The following C6orf52 variants were observed in gnomAD, a reference collection of about 807,000 sequenced individuals.
The protein encoded by C6orf52 is chromosome 6 open reading frame 52, also known as putative uncharacterized protein C6orf52.
In C6orf52, 16 loss-of-function variants were observed where a neutral mutation model predicts 16.6. The observed-to-expected ratio is 0.96, with a 90% CI of 0.65 to 1.46. The LOEUF (loss-of-function observed/expected upper bound fraction) is 1.46. Ranked by LOEUF, C6orf52 falls within the 40% of genes most tolerant of loss-of-function variation. The pLI is 0.00. For missense variants in C6orf52, 166 were observed against 182.3 expected (o/e 0.91, Z 0.52); for synonymous variants, 53 against 61.4 (o/e 0.86, Z 0.64).
intron 4 of C6orf52, among the ~76,000 whole-genome samples, chr6:10,674,102 T>C (rs1278704084): frequency 6.6e-6 from 1 of 152,148 alleles, no homozygotes; most frequent in Non-Finnish European, 1.5e-5. Context: ...CTCTTCTGGG[T>C]TGCACACTGC....
upstream of C6orf52, chr6:10,694,727 C>A (rs907305114): frequency 2.1e-5 from 8 of 386,128 alleles, no homozygotes; most frequent in African/African-American, 1.7e-4. Flanking sequence ...CCTGCTTGCC[C>A]CCGATTTTTT....
At chr6:10,674,960 C>T (rs928527023) in intron 4 of C6orf52, among the ~76,000 whole-genome samples, 6 of 152,038 alleles carry the variant, frequency 3.9e-5, no homozygotes, top group Admixed American at 2.6e-4. Flanking sequence ...CAGGCGCACA[C>T]CACCACACTC....
intron 4 of C6orf52, among the ~76,000 whole-genome samples, chr6:10,680,430 G>T (rs752939549): frequency 6.6e-6 from 1 of 152,152 alleles, no homozygotes; most frequent in Non-Finnish European, 1.5e-5. Flanking sequence ...CTAGTATTTT[G>T]TTGGGGACCT....
intron 4 of C6orf52, among the ~76,000 whole-genome samples, chr6:10,677,449 C>G (rs1767993155): frequency 6.7e-6 from 1 of 148,340 alleles, no homozygotes; most frequent in African/African-American, 2.5e-5. Context: ...AGTGTGATGC[C>G]TTCACCCTTT....
At chr6:10,679,522 C>G (rs940106387) in intron 4 of C6orf52, among the ~76,000 whole-genome samples, 1 of 146,984 alleles carries the variant, frequency 6.8e-6, no homozygotes, top group African/African-American at 2.6e-5. Flanking sequence ...GAAAATGGCA[C>G]AGATACACTT....
rs1768548361 is a variant in C6orf52, at chr6:10,683,081, A to G, written c.316+106T>C. On this transcript the variant is annotated intron_variant, in intron 4 of 4. Coordinates refer to ENST00000259983, the MANE Select transcript of C6orf52 (RefSeq NM_001145020.3). ...GAAGCATATGGCTTAGGCAACCTACATTGGAATTTTCCAATAGAACCTTCC... is the reference window on the plus strand; with the variant it reads ...GAAGCATATGGCTTAGGCAACCTACGTTGGAATTTTCCAATAGAACCTTCC... 8.3e-6 allele frequency: 6 copies of G among 725,864 alleles called. No individual in the cohort carries two copies. In the Admixed American group the frequency reaches 1.6e-4, roughly 19 times the overall value. 45.0% of individuals were successfully genotyped at this position (725,864 alleles called of 1,614,324 possible). A position where few individuals can be genotyped will look rare whatever the true frequency, so the allele number is the denominator to read the frequency against.
At chr6:10,677,586 C>T (rs1768007717) in intron 4 of C6orf52, among the ~76,000 whole-genome samples, 1 of 150,834 alleles carries the variant, frequency 6.6e-6, no homozygotes, top group Non-Finnish European at 1.5e-5. Flanking sequence ...GGCTGGAGTG[C>T]AGTGGCGCCA....
rs1403679080 is a variant in C6orf52, at chr6:10,687,108, T to C, written c.128A>G (p.Tyr43Cys). ...QEFQPSQSYR[Y>C]GNWYARQHGS... ...GTGCTGTCGCGCATACCAGTTGCCA[T>C]AGCGGTAACTCTGGCTGGGCTGGAA... Residue 43 changes from tyrosine (Y) to cysteine (C), a missense_variant, in exon 3 of 5, where the codon TAT becomes TGT. Coordinates refer to ENST00000259983, the MANE Select transcript of C6orf52 (RefSeq NM_001145020.3). The C allele has an allele frequency of 1.9e-6, 3 of 1,551,780 alleles. No homozygotes were observed. Among genetic ancestry groups the C allele is most frequent in the East Asian group, 2.4e-5 (1 of 40,928 alleles).
intron 4 of C6orf52, among the ~76,000 whole-genome samples, chr6:10,678,788 A>G (rs1768109946): frequency 6.6e-6 from 1 of 152,144 alleles, no homozygotes; most frequent in African/African-American, 2.4e-5. Context: ...TGTTTTTAAA[A>G]AAATTTTTTT....
intron 1 of C6orf52, among the ~76,000 whole-genome samples, chr6:10,688,807 GTTTT>G (rs951505900): frequency 1.3e-5 from 2 of 152,138 alleles, no homozygotes; most frequent in Non-Finnish European, 2.9e-5. Context: ...GAGTTTTGGG[GTTTT>G]TTGTTTTGTT....
intron 1 of C6orf52, among the ~76,000 whole-genome samples, chr6:10,690,194 G>A (rs1170600892): frequency 1.3e-5 from 2 of 152,078 alleles, no homozygotes; most frequent in Non-Finnish European, 2.9e-5. Flanking sequence ...AAGATCCCAG[G>A]GTAAAGATGG....
chr6:10,685,166 ACTTC>A (rs1768754538), intron 3 of C6orf52, among the ~76,000 whole-genome samples: 1 of 151,756 alleles, frequency 6.6e-6, no homozygotes, highest in Admixed American at 6.6e-5. Flanking sequence ...TAATTCCTAT[ACTTC>A]TCTATTTAGA....
chr6:10,686,373 C>T (rs1193601144), intron 3 of C6orf52, among the ~76,000 whole-genome samples: 1 of 152,124 alleles, frequency 6.6e-6, no homozygotes, highest in Non-Finnish European at 1.5e-5. Context: ...CATAGATCCA[C>T]TCCACAGTAC....
rs1175146115 is a variant in C6orf52 at position 10,686,978 on chromosome 6, C to T, written c.258G>A (p.Leu86=). 3 of 1,546,780 alleles carry T rather than the reference C, an allele frequency of 1.9e-6. No individual in the cohort carries two copies. Among genetic ancestry groups the T allele is most frequent in the Non-Finnish European group, 2.6e-6 (3 of 1,144,740 alleles). ...HETPEHTAGT[L]VMPKETTPLA... ...TAGCAAGGGATACCTTAGGCATAAC[C>T]AGAGTTCCAGCTGTGTGTTCAGGGG... The change falls in exon 3 of 5, where the codon CTG becomes CTA. Residue 86 remains leucine (L), a synonymous_variant. Transcript: ENST00000259983.
At position 10,694,598 on chromosome 6, in the gene C6orf52, AAGCAACCGGC is replaced by A; in HGVS notation, c.-126_-117del. The A allele has an allele frequency of 5.8e-6, 1 of 172,166 alleles. No homozygotes were observed. Among genetic ancestry groups the A allele is most frequent in the Admixed American group, 6.1e-5 (1 of 16,352 alleles). The allele number at this position is 172,166 out of a possible 1,614,324, so 10.7% of individuals were successfully genotyped here. A position where few individuals can be genotyped will look rare whatever the true frequency, so the allele number is the denominator to read the frequency against. ...GCACGCTGCCGGCGCTACAGCCCCTAAGCAACCGGCCGGAAGTCGGCCCCACCTCCTCCTG... is the reference window on the plus strand; with the variant it reads ...GCACGCTGCCGGCGCTACAGCCCCTACGGAAGTCGGCCCCACCTCCTCCTG... On this transcript the variant is annotated 5_prime_UTR_variant, in exon 1 of 5. Coordinates refer to ENST00000259983, the MANE Select transcript of C6orf52 (RefSeq NM_001145020.3).
At position 10,671,542 on chromosome 6, in the gene C6orf52, C is replaced by A. The variant is rs540643184; in HGVS notation, c.373G>T (p.Glu125Ter). The change falls in exon 5 of 5, where the codon GAA becomes TAA. Residue 125 changes from glutamate to a stop codon, truncating the protein, a stop_gained. Transcript: ENST00000259983. LOFTEE classifies it low-confidence loss of function (END_TRUNC). ...TTCATGAGGGAGTCGTAGAGTTCTT[C>A]ACTTTTCACCATAAACTCTTGGTTT... ...ESNQEFMVKS[E>*]ELYDSLMNCH... 1.9e-6 allele frequency: 3 copies of A among 1,548,910 alleles called. No individual in the cohort carries two copies. The highest frequency in any genetic ancestry group is 2.6e-6 in the Non-Finnish European group (3 of 1,144,874).
intron 4 of C6orf52, among the ~76,000 whole-genome samples, chr6:10,676,959 T>C (rs942113310): frequency 3.9e-5 from 6 of 152,220 alleles, no homozygotes; most frequent in African/African-American, 1.4e-4. Context: ...TTTCTCCCAC[T>C]CCGTTGTCTG....
chr6:10,686,846 T>C, intron 3 of C6orf52, 120 bp downstream of exon 3: 1 of 720,750 alleles, frequency 1.4e-6, no homozygotes, highest in Non-Finnish European at 2.3e-6. Flanking sequence ...TTAAAACAGG[T>C]AGCAAAAGCC....
At chr6:10,672,452 G>T in intron 4 of C6orf52, 1 of 547,926 alleles carries the variant, frequency 1.8e-6, no homozygotes, top group Non-Finnish European at 3.2e-6. Context: ...TGGGGCCTCT[G>T]GGAGGTTAGA....
Sources: allele counts gnomAD v4.1 joint callset (sites outside exome capture counted in the v4.1 genomes callset), GRCh38; gene constraint gnomAD v4.1.1; transcripts MANE v1.5; gene names NCBI Gene and HGNC (gene_info 2026-07-23, HGNC 2026-07-21).